The following ZDHHC17 variants were observed in gnomAD, a reference collection of about 807,000 sequenced individuals.
The protein encoded by ZDHHC17 is palmitoyltransferase ZDHHC17.
A neutral mutation model predicts 90.3 loss-of-function variants in ZDHHC17; 40 were observed. That is an observed-to-expected ratio of 0.44 (90% CI 0.34 to 0.58). ZDHHC17 has a LOEUF of 0.58. Among genes scored for constraint, ZDHHC17 ranks in the 20% least tolerant of loss-of-function variants. The pLI, the probability that ZDHHC17 is intolerant of heterozygous loss-of-function variation, is 0.01. For synonymous variants in ZDHHC17, 235 were observed against 252.4 expected (o/e 0.93, Z 0.65); for missense variants, 614 against 780.8 (o/e 0.79, Z 2.55).
chr12:76,785,800 CT>C (rs1219903470), intron 1 of ZDHHC17, among the ~76,000 whole-genome samples: 1 of 152,150 alleles, frequency 6.6e-6, no homozygotes, highest in Non-Finnish European at 1.5e-5. Flanking sequence ...CTTGGAATGG[CT>C]GGTGTACGTA....
intron 6 of ZDHHC17, 67 bp downstream of exon 6, chr12:76,815,277 G>A: frequency 1.8e-6 from 2 of 1,107,910 alleles, no homozygotes; most frequent in South Asian, 1.6e-5. Flanking sequence ...GTAAGAGAGA[G>A]GAAAAAGCAG....
chr12:76,850,763 A>G (rs1014691897), intron 16 of ZDHHC17, 84 bp from the exon 17 acceptor site: 2 of 1,513,448 alleles, frequency 1.3e-6, no homozygotes, highest in Non-Finnish European at 1.8e-6. Context: ...AAAAAAATAT[A>G]TTTAACACGA....
intron 8 of ZDHHC17, among the ~76,000 whole-genome samples, chr12:76,825,964 G>A (rs1020402594): frequency 6.6e-6 from 1 of 152,026 alleles, no homozygotes; most frequent in African/African-American, 2.4e-5. Flanking sequence ...CAGTACAGGT[G>A]CGTGCTACCA....
chr12:76,770,114 C>T (rs577804030), intron 1 of ZDHHC17, among the ~76,000 whole-genome samples: 101 of 152,100 alleles, frequency 6.6e-4, no homozygotes, highest in Non-Finnish European at 1.3e-3. Flanking sequence ...TATAATAACA[C>T]CTACTTTATG....
At chr12:76,773,441 A>C (rs764133496) in intron 1 of ZDHHC17, among the ~76,000 whole-genome samples, 6 of 152,066 alleles carry the variant, frequency 3.9e-5, no homozygotes, top group Non-Finnish European at 7.4e-5. Context: ...AGTGCTGAAT[A>C]ATATTTTATT....
At chr12:76,820,514 ATCTTT>A (rs1282125948) in intron 7 of ZDHHC17, among the ~76,000 whole-genome samples, 1 of 152,180 alleles carries the variant, frequency 6.6e-6, no homozygotes, top group Non-Finnish European at 1.5e-5. Flanking sequence ...AGCAGTTATA[ATCTTT>A]TCTTTCTAAA....
At chr12:76,794,143 C>A (rs1952793004) in intron 1 of ZDHHC17, among the ~76,000 whole-genome samples, 1 of 152,054 alleles carries the variant, frequency 6.6e-6, no homozygotes, top group Non-Finnish European at 1.5e-5. Context: ...CCTCTGCCTC[C>A]CAAAGTGCTG....
chr12:76,841,634 T>A (rs1454130250), intron 10 of ZDHHC17, among the ~76,000 whole-genome samples: 3 of 152,144 alleles, frequency 2.0e-5, no homozygotes, highest in Admixed American at 6.5e-5. Flanking sequence ...ACGAGTATGA[T>A]ATCTGTAATA....
chr12:76,818,127 A>T (rs1004578267), intron 7 of ZDHHC17, among the ~76,000 whole-genome samples: 1 of 152,178 alleles, frequency 6.6e-6, no homozygotes, highest in Non-Finnish European at 1.5e-5. Flanking sequence ...TGGTACTTCT[A>T]AAGAAAATAA....
In ZDHHC17 at chr12:76,790,575, A is replaced by G. The variant is rs187882182; in HGVS notation, c.94-6859A>G. On this transcript the variant is annotated intron_variant, in intron 1 of 16. Coordinates refer to ENST00000426126, the MANE Select transcript of ZDHHC17 (RefSeq NM_015336.4). ...ATACACTGCATACAATACGATACATATATTGTTACAAATACATGTATAGAT... is the reference window on the plus strand; with the variant it reads ...ATACACTGCATACAATACGATACATGTATTGTTACAAATACATGTATAGAT... 7.2e-5 allele frequency among the ~76,000 whole-genome samples: 11 copies of G among 152,318 alleles called. No homozygotes were observed. In the East Asian group the frequency reaches 1.3e-3, roughly 19 times the overall value.
chr12:76,822,638 C>A, intron 8 of ZDHHC17, 107 bp downstream of exon 8: 1 of 836,630 alleles, frequency 1.2e-6, no homozygotes, highest in Non-Finnish European at 1.9e-6. Flanking sequence ...CACTGCAATC[C>A]CTGCCTCTCG....
rs1953586634 is a variant in ZDHHC17 at position 76,853,360 on chromosome 12, C to A, written c.*2375C>A. 1 of 152,528 alleles carries A rather than the reference C, an allele frequency of 6.6e-6. No individual in the cohort carries two copies. The highest frequency in any genetic ancestry group is 2.4e-5 in the African/African-American group (1 of 41,420). 9.4% of individuals were successfully genotyped at this position (152,528 alleles called of 1,614,324 possible). A position where few individuals can be genotyped will look rare whatever the true frequency, so the allele number is the denominator to read the frequency against. On this transcript the variant is annotated 3_prime_UTR_variant, in exon 17 of 17. Coordinates refer to ENST00000426126, the MANE Select transcript of ZDHHC17 (RefSeq NM_015336.4). ...TGATGGTGAACCTTTGGGAATAGTTCTTATCAACTTAATTGGATACTTTTA... is the reference window on the plus strand; with the variant it reads ...TGATGGTGAACCTTTGGGAATAGTTATTATCAACTTAATTGGATACTTTTA...
chr12:76,834,026 G>T (rs1164918882), intron 10 of ZDHHC17, among the ~76,000 whole-genome samples: 1 of 152,016 alleles, frequency 6.6e-6, no homozygotes, highest in South Asian at 2.1e-4. Context: ...CTGCCTTAAT[G>T]ATATGGGCTC....
intron 14 of ZDHHC17, 54 bp downstream of exon 14, chr12:76,846,733 T>C (rs2137807305): frequency 7.2e-7 from 1 of 1,396,074 alleles, no homozygotes; most frequent in South Asian, 1.3e-5. Flanking sequence ...ATACTTAGAT[T>C]ATACTTACCA....
intron 1 of ZDHHC17, chr12:76,781,633 G>A: frequency 2.2e-6 from 1 of 456,060 alleles, no homozygotes; most frequent in South Asian, 1.5e-5. Context: ...AGCAAGAATG[G>A]CCTTGCCAGA....
In ZDHHC17 at chr12:76,764,304, G is replaced by T. The variant is rs1952401123; in HGVS notation, c.68G>T (p.Gly23Val). ...CCGGATGAGTACGATACCGAAGCGG[G>T]CTGTGTGCCCCTTCTCCACCCAGAG... ...DGPDEYDTEA[G>V]CVPLLHPEEI... is the part of the protein sequence containing the mutation. Residue 23 changes from glycine (G) to valine (V), a missense_variant, in exon 1 of 17, where the codon GGC becomes GTC. Physicochemically the swap from Gly to Val is moderately radical, Grantham distance 109 (BLOSUM62 -3). This residue lies in a region of ZDHHC17 where 358 missense variants were observed against 380.4 expected (regional missense o/e 0.94). Coordinates refer to ENST00000426126, the MANE Select transcript of ZDHHC17 (RefSeq NM_015336.4). 2 of 1,604,486 alleles carry T rather than the reference G, an allele frequency of 1.2e-6. No homozygotes were observed. The highest frequency in any genetic ancestry group is 1.7e-6 in the Non-Finnish European group (2 of 1,175,658).
chr12:76,796,989 G>A (rs902735460), intron 1 of ZDHHC17, among the ~76,000 whole-genome samples: 3 of 151,872 alleles, frequency 2.0e-5, no homozygotes, highest in Non-Finnish European at 2.9e-5. Flanking sequence ...ACTTGGCCGG[G>A]CATGGTGGCT....
chr12:76,818,257 A>G (rs1207789751), intron 7 of ZDHHC17, among the ~76,000 whole-genome samples: 1 of 152,200 alleles, frequency 6.6e-6, no homozygotes, highest in African/African-American at 2.4e-5. Flanking sequence ...TATGTAATTA[A>G]AAAGATGAAA....
intron 16 of ZDHHC17, 46 bp downstream of exon 16, chr12:76,849,516 TTTTC>T: frequency 7.8e-7 from 1 of 1,277,682 alleles, no homozygotes; most frequent in Non-Finnish European, 1.1e-6. Flanking sequence ...GTCATAAAAA[TTTTC>T]TTACTAACCA....
Sources: allele counts gnomAD v4.1 joint callset (sites outside exome capture counted in the v4.1 genomes callset), GRCh38; gene constraint gnomAD v4.1.1; regional missense constraint gnomAD v4.1.1; transcripts MANE v1.5; gene names NCBI Gene and HGNC (gene_info 2026-07-23, HGNC 2026-07-21).